Variants in SLCO3A1 observed in about 807,000 individuals in gnomAD.
SLCO3A1 encodes the protein solute carrier organic anion transporter family member 3A1.
In SLCO3A1, 27 loss-of-function variants were observed where a neutral mutation model predicts 63.1. The ratio of observed to expected loss-of-function variants is 0.43; its 90% confidence interval spans 0.32 to 0.59. SLCO3A1 has a LOEUF of 0.59. Ranked by LOEUF, SLCO3A1 falls within the 20% of genes least tolerant of loss-of-function variation. SLCO3A1 has a pLI of 0.09. For synonymous variants in SLCO3A1, 473 were observed against 409.9 expected (o/e 1.15, Z -1.86); for missense variants, 773 against 945.8 (o/e 0.82, Z 2.40).
intron 2 of SLCO3A1, among the ~76,000 whole-genome samples, chr15:91,951,928 T>G (rs1900014220): frequency 6.6e-6 from 1 of 152,214 alleles, no homozygotes; most frequent in Non-Finnish European, 1.5e-5. Context: ...AACTGCTGTG[T>G]CGTGTTGTAA....
intron 2 of SLCO3A1, among the ~76,000 whole-genome samples, chr15:91,939,368 G>A (rs1490241750): frequency 1.3e-5 from 2 of 152,106 alleles, no homozygotes; most frequent in South Asian, 2.1e-4. Flanking sequence ...CTCCCGCCAG[G>A]CCCCACTTCC....
In SLCO3A1 at chr15:91,927,951, A is replaced by G. The variant is rs114816484; in HGVS notation, c.646+11493A>G. Among the ~76,000 whole-genome samples the G allele has an allele frequency of 1.4e-3, 216 of 152,342 alleles. 2 individuals are homozygous for G. The highest frequency in any genetic ancestry group is 4.8e-3 in the African/African-American group (201 of 41,578). The stretch of plus-strand genomic sequence containing the variant: ...GCTGTACATTTGTATCATGGGGCAA[A>G]GAGCCTTCTCTTCATCAAGGTAGAT... On this transcript the variant is annotated intron_variant, in intron 2 of 9. Coordinates refer to ENST00000318445, the MANE Select transcript of SLCO3A1 (RefSeq NM_013272.4).
At chr15:92,093,178 GA>G (rs2151535352) in intron 2 of SLCO3A1, among the ~76,000 whole-genome samples, 1 of 152,352 alleles carries the variant, frequency 6.6e-6, no homozygotes, top group South Asian at 2.1e-4. Flanking sequence ...AATTTACAAA[GA>G]AAGGAGATTC....
chr15:92,032,838 A>G (rs1269622810), intron 2 of SLCO3A1, among the ~76,000 whole-genome samples: 4 of 150,614 alleles, frequency 2.7e-5, no homozygotes, highest in African/African-American at 9.8e-5. Context: ...TTGCCCTTAT[A>G]AGGGACAGAG....
Position 92,165,193 on chromosome 15 carries a change from C to G in SLCO3A1, c.*2058C>G. 1.0e-6 allele frequency: 1 copy of G among 985,444 alleles called. No homozygotes were observed. The highest frequency in any genetic ancestry group is 1.2e-6 in the Non-Finnish European group (1 of 829,950). The allele number at this position is 985,444 out of a possible 1,614,324, so 61.0% of individuals were successfully genotyped here. ...CGTGGTATGGGGCCACCGTGATCAG[C>G]TACCTGGGGCAGGATGCTTCTGAGA... On this transcript the variant is annotated 3_prime_UTR_variant, in exon 10 of 10. Coordinates refer to ENST00000318445, the MANE Select transcript of SLCO3A1 (RefSeq NM_013272.4).
chr15:92,016,220 G>A (rs889523203), intron 2 of SLCO3A1, among the ~76,000 whole-genome samples: 1 of 83,306 alleles, frequency 1.2e-5, no homozygotes, highest in Non-Finnish European at 2.2e-5. Flanking sequence ...TAGATAGATA[G>A]ATAGATAGAT....
chr15:92,040,817 A>G lies in SLCO3A1; in HGVS notation c.647-54064A>G, dbSNP rs199549011. Among the ~76,000 whole-genome samples the G allele has an allele frequency of 5.3e-5, 8 of 152,272 alleles. No individual in the cohort carries two copies. In the East Asian group the frequency reaches 7.7e-4, roughly 15 times the overall value. ...CCTTTGACTATGGGTCTCAAACATC[A>G]AAAGTGTCTGTGGAGCTGTTTAAAA... On this transcript the variant is annotated intron_variant, in intron 2 of 9. Transcript: ENST00000318445.
chr15:91,878,994 A>G (rs987800744), intron 1 of SLCO3A1, among the ~76,000 whole-genome samples: 2 of 152,184 alleles, frequency 1.3e-5, no homozygotes, highest in Non-Finnish European at 2.9e-5. Flanking sequence ...TTATCTAGGC[A>G]TAATTACAAC....
In SLCO3A1 at chr15:91,897,797, C is replaced by T; in HGVS notation, c.181-18196C>T. 6.6e-6 allele frequency among the ~76,000 whole-genome samples: 1 copy of T among 152,168 alleles called. No individual in the cohort carries two copies. Reference sequence around the variant, plus strand: ...GCAGTGTTGGAACAGACTGTTCTCTCTATTTTCTGACCTGCTCAGGCATCC... The same window carrying T: ...GCAGTGTTGGAACAGACTGTTCTCTTTATTTTCTGACCTGCTCAGGCATCC... On this transcript the variant is annotated intron_variant, in intron 1 of 9. Transcript: ENST00000318445. This position sits in a 1 kb window ranked among gnomAD's most constrained non-coding sequence, Gnocchi z 4.7.
In SLCO3A1 at chr15:91,916,890, A is replaced by G. The variant is rs1898681235; in HGVS notation, c.646+432A>G. Among the ~76,000 whole-genome samples the G allele has an allele frequency of 6.6e-6, 1 of 152,208 alleles. No homozygotes were observed. The highest frequency in any genetic ancestry group is 2.4e-5 in the African/African-American group (1 of 41,452). On this transcript the variant is annotated intron_variant, in intron 2 of 9. Transcript: ENST00000318445. This position sits in a 1 kb window ranked among gnomAD's most constrained non-coding sequence, Gnocchi z 6.2. Reference sequence around the variant, plus strand: ...CTGTTGCAGCTCAAAAGGAGAGGTGATGGCTTTGCCAGCATTTGGCATCAT... The same window carrying G: ...CTGTTGCAGCTCAAAAGGAGAGGTGGTGGCTTTGCCAGCATTTGGCATCAT...
intron 1 of SLCO3A1, among the ~76,000 whole-genome samples, chr15:91,901,977 T>C (rs2151368662): frequency 6.6e-6 from 1 of 152,206 alleles, no homozygotes; most frequent in Non-Finnish European, 1.5e-5. Flanking sequence ...CTCGGTGGTG[T>C]CCTAAAGGTC....
chr15:91,999,206 G>A (rs758209723), intron 2 of SLCO3A1, among the ~76,000 whole-genome samples: 13 of 152,190 alleles, frequency 8.5e-5, no homozygotes, highest in Middle Eastern at 3.4e-3. Flanking sequence ...TGATGGGATC[G>A]TTCATAACCC....
intron 7 of SLCO3A1, among the ~76,000 whole-genome samples, chr15:92,136,882 A>T (rs2151576751): frequency 6.6e-6 from 1 of 151,146 alleles, no homozygotes; most frequent in East Asian, 1.9e-4. Flanking sequence ...TTTACCTGGG[A>T]GTTATTTCTA....
At chr15:92,014,075 A>T (rs2046398553) in intron 2 of SLCO3A1, among the ~76,000 whole-genome samples, 2 of 152,030 alleles carry the variant, frequency 1.3e-5, no homozygotes, top group Non-Finnish European at 2.9e-5. Context: ...AGGCCTCTTT[A>T]TCTCCCCAGA....
At chr15:92,025,756 A>C (rs572593736) in intron 2 of SLCO3A1, among the ~76,000 whole-genome samples, 4 of 152,152 alleles carry the variant, frequency 2.6e-5, no homozygotes, top group Non-Finnish European at 5.9e-5. Flanking sequence ...GCAAAGGCAG[A>C]AGGAAGTGTT....
In SLCO3A1 at chr15:91,872,842, G is replaced by T. The variant is rs79723789; in HGVS notation, c.180+18754G>T. On this transcript the variant is annotated intron_variant, in intron 1 of 9. Transcript: ENST00000318445. This position sits in a 1 kb window ranked among gnomAD's most constrained non-coding sequence, Gnocchi z 4.1. ...TAACTTCACCAGGGCCAGAGAATCTGTTCTCTGTTCCCTTCCTCCCCTTTA... is the reference window on the plus strand; with the variant it reads ...TAACTTCACCAGGGCCAGAGAATCTTTTCTCTGTTCCCTTCCTCCCCTTTA... Among the ~76,000 whole-genome samples, 1 of 152,190 alleles carries T rather than the reference G, an allele frequency of 6.6e-6. No homozygotes were observed.
intron 2 of SLCO3A1, among the ~76,000 whole-genome samples, chr15:91,934,980 A>T (rs1899357137): frequency 6.6e-6 from 1 of 152,078 alleles, no homozygotes; most frequent in Admixed American, 6.5e-5. Flanking sequence ...TTTGAGACAG[A>T]GTCTCGCTTT....
chr15:92,112,336 G>C (rs2151553157), intron 4 of SLCO3A1, among the ~76,000 whole-genome samples: 1 of 152,346 alleles, frequency 6.6e-6, no homozygotes, highest in African/African-American at 2.4e-5. Context: ...GGAGGCTTTT[G>C]TGAAATTATG....
At chr15:92,121,224 G>A (rs1219596467) in intron 5 of SLCO3A1, among the ~76,000 whole-genome samples, 1 of 152,202 alleles carries the variant, frequency 6.6e-6, no homozygotes, top group African/African-American at 2.4e-5. Flanking sequence ...CTCAGGCAGG[G>A]TAAGGAATGT....
Sources: gnomAD v4.1 joint callset for allele counts (sites outside exome capture counted in the v4.1 genomes callset) on GRCh38, gnomAD v4.1.1 for gene constraint, Gnocchi (gnomAD v3.1) non-coding constraint, MANE v1.5 for transcripts, NCBI Gene and HGNC (gene_info 2026-07-23, HGNC 2026-07-21) for gene names.